The following SPATA18 variants were observed in gnomAD, a reference collection of about 807,000 sequenced individuals.
The protein encoded by SPATA18 is mitochondria-eating protein.
A neutral mutation model predicts 68.1 loss-of-function variants in SPATA18; 54 were observed. The observed-to-expected ratio is 0.79, with a 90% CI of 0.64 to 0.99. SPATA18 has a LOEUF of 0.99. Ranked by LOEUF, SPATA18 falls within the 50% of genes least tolerant of loss-of-function variation. SPATA18 has a pLI of 0.00. For synonymous variants in SPATA18, 242 were observed against 244.8 expected (o/e 0.99, Z 0.11); for missense variants, 724 against 681.1 (o/e 1.06, Z -0.70).
chr4:52,081,253 C>T (rs1301704822), intron 9 of SPATA18, among the ~76,000 whole-genome samples: 1 of 152,210 alleles, frequency 6.6e-6, no homozygotes, highest in East Asian at 1.9e-4. Context: ...AGGGAATGTG[C>T]AGCTTCTAGG....
chr4:52,092,228 G>A (rs1263697008), intron 11 of SPATA18, among the ~76,000 whole-genome samples: 1 of 151,844 alleles, frequency 6.6e-6, no homozygotes, highest in African/African-American at 2.4e-5. Flanking sequence ...GTTCTGTTTT[G>A]CTGGTGTTCC....
chr4:52,062,258 T>TCGGA lies in SPATA18; in HGVS notation c.351_352insACGG (p.Asp118ThrfsTer11). On this transcript the variant is annotated frameshift_variant, in exon 4 of 13. Transcript: ENST00000295213. LOFTEE classifies it high-confidence loss of function. ...GGGAGAGACATAAAGATCCCAGTCC[T>TCGGA]CGGGATCGGGATATGCAACAGTTAG... The TCGGA allele has an allele frequency of 6.2e-7, 1 of 1,605,590 alleles. No homozygotes were observed. The highest frequency in any genetic ancestry group is 8.5e-7 in the Non-Finnish European group (1 of 1,175,526).
intron 1 of SPATA18, 95 bp from the exon 2 acceptor site, chr4:52,060,324 C>T (rs1213905965): frequency 1.1e-6 from 1 of 916,772 alleles, no homozygotes; most frequent in East Asian, 2.5e-5. Context: ...ATACCAGAGC[C>T]AGGCAGCTCG....
intron 11 of SPATA18, among the ~76,000 whole-genome samples, chr4:52,091,548 G>C: frequency 6.6e-6 from 1 of 152,196 alleles, no homozygotes; most frequent in South Asian, 2.1e-4. Flanking sequence ...CAGCCTGCTG[G>C]AGTTTACTGA....
chr4:52,079,713 T>C, intron 8 of SPATA18, 31 bp from the exon 9 acceptor site: 1 of 1,610,274 alleles, frequency 6.2e-7, no homozygotes. Flanking sequence ...CACAGGCTGG[T>C]AACAAAGTGA....
At chr4:52,059,220 C>T (rs1438607758) in intron 1 of SPATA18, among the ~76,000 whole-genome samples, 4 of 152,172 alleles carry the variant, frequency 2.6e-5, no homozygotes, top group Non-Finnish European at 2.9e-5. Flanking sequence ...ATTATCTCAA[C>T]TTTTCTCTTA....
intron 4 of SPATA18, among the ~76,000 whole-genome samples, chr4:52,067,344 G>T (rs534448890): frequency 6.6e-6 from 1 of 151,998 alleles, no homozygotes; most frequent in South Asian, 2.1e-4. Context: ...TTTTTGATGG[G>T]GTTGTTTGTT....
At chr4:52,086,732 G>T (rs1387718338) in intron 11 of SPATA18, among the ~76,000 whole-genome samples, 1 of 152,130 alleles carries the variant, frequency 6.6e-6, no homozygotes, top group Non-Finnish European at 1.5e-5. Context: ...GCATATGTCT[G>T]CATGTGTCTT....
chr4:52,072,645 A>G (rs566348837), intron 6 of SPATA18, among the ~76,000 whole-genome samples: 60 of 152,274 alleles, frequency 3.9e-4, no homozygotes, highest in African/African-American at 1.4e-3. Context: ...ACCTCAGGTG[A>G]TCTGCCTGCC....
chr4:52,067,120 G>A (rs980138873), intron 4 of SPATA18, among the ~76,000 whole-genome samples: 1 of 152,124 alleles, frequency 6.6e-6, no homozygotes. Flanking sequence ...TCCACTAACA[G>A]TGTGAAAAAG....
intron 11 of SPATA18, among the ~76,000 whole-genome samples, chr4:52,085,920 G>C (rs6833285): frequency 0.63 from 95,147 of 151,786 alleles, 34,427 homozygotes; most frequent in Non-Finnish European, 0.81. Context: ...TTAAACAAAA[G>C]AAAACAAAAC....
rs761474732 is a variant in SPATA18, at chr4:52,072,076, G to T, written c.678G>T (p.Met226Ile). The T allele has an allele frequency of 1.2e-6, 2 of 1,613,946 alleles. No homozygotes were observed. Among genetic ancestry groups the T allele is most frequent in the Non-Finnish European group, 1.7e-6 (2 of 1,180,010 alleles). ...QNADQQDTEAMSDYKKQLRNL... is the reference protein window; with the variant it reads ...QNADQQDTEAISDYKKQLRNL... ...CAGACCAGCAGGACACAGAAGCCAT[G>T]TCCGATTATAAGAAACAGCTCCGAA... Residue 226 changes from methionine to isoleucine, a missense_variant, in exon 6 of 13, where the codon ATG becomes ATT. Coordinates refer to ENST00000295213, the MANE Select transcript of SPATA18 (RefSeq NM_145263.4).
chr4:52,052,431 A>G (rs1737976354), intron 1 of SPATA18, among the ~76,000 whole-genome samples: 1 of 152,148 alleles, frequency 6.6e-6, no homozygotes, highest in African/African-American at 2.4e-5. Context: ...ACCCATGAGC[A>G]CTTTTCAAAT....
Position 52,076,819 on chromosome 4 carries a change from C to T in SPATA18, c.799C>T (p.Arg267Cys), listed in dbSNP as rs147856555. 32 of 1,614,024 alleles carry T rather than the reference C, an allele frequency of 2.0e-5. No individual in the cohort carries two copies. In the African/African-American group the frequency reaches 3.6e-4, roughly 18 times the overall value. Residue 267 changes from arginine to cysteine, a missense_variant, in exon 7 of 13, where the codon CGT becomes TGT. Physicochemically the swap from Arg to Cys is radical, Grantham distance 180 (BLOSUM62 -3). Transcript: ENST00000295213. The stretch of plus-strand genomic sequence containing the variant: ...GTCTCCCAGCCCTGCCCCTCGCAGC[C>T]GTAGCTGCAGCCGCAGCAGATCTGC... Reference protein sequence around the residue: ...SRSPSPAPRSRSCSRSRSASP... With the variant: ...SRSPSPAPRSCSCSRSRSASP...
chr4:52,053,059 G>A (rs1322193124), intron 1 of SPATA18, among the ~76,000 whole-genome samples: 1 of 152,140 alleles, frequency 6.6e-6, no homozygotes, highest in Non-Finnish European at 1.5e-5. Context: ...GTCTCAGGAG[G>A]TTGAGAATAA....
At chr4:52,071,847 TTTCC>T in intron 5 of SPATA18, 66 bp from the exon 6 acceptor site, 22 of 1,499,978 alleles carry the variant, frequency 1.5e-5, no homozygotes, top group East Asian at 2.4e-5. Flanking sequence ...GCTTATTACC[TTTCC>T]TTCCTTCCTT....
intron 8 of SPATA18, 126 bp downstream of exon 8, chr4:52,079,019 A>G: frequency 9.4e-7 from 1 of 1,062,698 alleles, no homozygotes; most frequent in East Asian, 2.8e-5. Context: ...GAAGAAAGGA[A>G]CAGCATTCAA....
rs192450454 is a variant in SPATA18, at chr4:52,077,132, T to A, written c.1020+92T>A. ...GGAACAACTTACAAAGACTAGTGGA[T>A]CCTGAGGTCACTGAAGTGGGGGAGA... On this transcript the variant is annotated intron_variant, in intron 7 of 12. Transcript: ENST00000295213. 1.2e-4 allele frequency: 167 copies of A among 1,384,522 alleles called. 2 individuals are homozygous for A. In the East Asian group the frequency reaches 2.4e-3, roughly 20 times the overall value. The allele number at this position is 1,384,522 out of a possible 1,614,324, so 85.8% of individuals were successfully genotyped here.
At chr4:52,071,790 A>G in intron 5 of SPATA18, 127 bp from the exon 6 acceptor site, 1 of 928,768 alleles carries the variant, frequency 1.1e-6, no homozygotes, top group Non-Finnish European at 1.6e-6. Flanking sequence ...TTCCCAATGC[A>G]ATAATGGCAG....
Sources: allele counts gnomAD v4.1 joint callset (sites outside exome capture counted in the v4.1 genomes callset), GRCh38; gene constraint gnomAD v4.1.1; transcripts MANE v1.5; gene names NCBI Gene and HGNC (gene_info 2026-07-23, HGNC 2026-07-21).